ZFYVE9: variants seen among roughly 807,000 people sequenced by gnomAD.
ZFYVE9 encodes the protein zinc finger FYVE-type containing 9.
ZFYVE9 carries 43 observed loss-of-function variants against 126.7 expected under a neutral mutation model. The observed-to-expected ratio is 0.34, with a 90% CI of 0.27 to 0.44. The LOEUF (loss-of-function observed/expected upper bound fraction) is 0.44. ZFYVE9 is among the 20% of genes least tolerant of loss of function. The pLI is 1.00. For missense variants in ZFYVE9, 1,476 were observed against 1,697.0 expected, an observed-to-expected ratio of 0.87 and a Z score of 2.29; for synonymous variants, 521 against 597.4, an observed-to-expected ratio of 0.87 and a Z score of 1.87.
intron 1 of ZFYVE9, among the ~76,000 whole-genome samples, chr1:52,195,872 A>G (rs771721440): frequency 1.3e-5 from 2 of 151,346 alleles, no homozygotes; most frequent in Non-Finnish European, 2.9e-5. Flanking sequence ...AGCACACTGC[A>G]GCCTCCGCAT....
intron 17 of ZFYVE9, among the ~76,000 whole-genome samples, chr1:52,341,180 A>G (rs959127681): frequency 6.6e-6 from 1 of 152,244 alleles, no homozygotes; most frequent in African/African-American, 2.4e-5. Flanking sequence ...AGATTGTGCC[A>G]TTGCACGCCA....
At chr1:52,338,749 C>T (rs1277602600) in intron 16 of ZFYVE9, among the ~76,000 whole-genome samples, 5 of 152,146 alleles carry the variant, frequency 3.3e-5, no homozygotes, top group South Asian at 2.1e-4. Flanking sequence ...TGGTGGCTCA[C>T]GCCTGTAATC....
chr1:52,290,730 A>G (rs1645911727), intron 10 of ZFYVE9, among the ~76,000 whole-genome samples: 1 of 152,168 alleles, frequency 6.6e-6, no homozygotes, highest in Non-Finnish European at 1.5e-5. Flanking sequence ...ATCTTACTCT[A>G]AAATCATTGA....
At chr1:52,174,430 G>A (rs1644604208) in intron 1 of ZFYVE9, among the ~76,000 whole-genome samples, 1 of 152,028 alleles carries the variant, frequency 6.6e-6, no homozygotes, top group South Asian at 2.1e-4. Context: ...CCAACTATGT[G>A]GTCAATTTTG....
intron 10 of ZFYVE9, among the ~76,000 whole-genome samples, chr1:52,292,070 G>A (rs530219098): frequency 6.6e-6 from 1 of 152,040 alleles, no homozygotes; most frequent in Admixed American, 6.6e-5. Context: ...TTTGAAGTCA[G>A]GAATTTGAGA....
intron 12 of ZFYVE9, among the ~76,000 whole-genome samples, chr1:52,299,200 A>G (rs573231512): frequency 3.3e-5 from 5 of 152,290 alleles, no homozygotes; most frequent in Admixed American, 2.6e-4. Flanking sequence ...TAGCTACTGT[A>G]AATGGAATTG....
chr1:52,177,558 A>G (rs982780371), intron 1 of ZFYVE9, among the ~76,000 whole-genome samples: 1 of 152,252 alleles, frequency 6.6e-6, no homozygotes, highest in African/African-American at 2.4e-5. Flanking sequence ...GGAATAAGAC[A>G]TCTGTGCCAT....
intron 4 of ZFYVE9, among the ~76,000 whole-genome samples, chr1:52,248,243 T>C (rs1645410626): frequency 6.6e-6 from 1 of 152,162 alleles, no homozygotes; most frequent in African/African-American, 2.4e-5. Context: ...CCCAGAAGGC[T>C]GCTAGTGCAA....
chr1:52,237,383 T>G, intron 3 of ZFYVE9, 105 bp from the exon 4 acceptor site: 1 of 1,045,102 alleles, frequency 9.6e-7, no homozygotes, highest in Non-Finnish European at 1.4e-6. Flanking sequence ...TCTAATATCC[T>G]TGGAATATTT....
chr1:52,225,836 GAGGTATACACCCA>G (rs1329448143), intron 2 of ZFYVE9, among the ~76,000 whole-genome samples: 1 of 152,178 alleles, frequency 6.6e-6, no homozygotes, highest in Non-Finnish European at 1.5e-5. Flanking sequence ...TGTGTTGTCT[GAGGTATACACCCA>G]AGGTTCATCG....
intron 6 of ZFYVE9, among the ~76,000 whole-genome samples, chr1:52,267,401 A>G (rs1002705966): frequency 6.6e-6 from 1 of 152,180 alleles, no homozygotes; most frequent in Non-Finnish European, 1.5e-5. Flanking sequence ...ACATTGGTTT[A>G]TTATATCTTT....
chr1:52,307,017 T>C (rs1167684812), intron 13 of ZFYVE9, among the ~76,000 whole-genome samples: 1 of 152,140 alleles, frequency 6.6e-6, no homozygotes, highest in Non-Finnish European at 1.5e-5. Context: ...CCAGCAGGCC[T>C]GAGCAAAACT....
intron 13 of ZFYVE9, among the ~76,000 whole-genome samples, chr1:52,322,591 T>C (rs1646251657): frequency 1.3e-5 from 2 of 151,936 alleles, no homozygotes; most frequent in Admixed American, 1.3e-4. Context: ...TTGGCCAGGC[T>C]GGTCTCGAAC....
chr1:52,149,913 G>A (rs868433467), intron 1 of ZFYVE9, among the ~76,000 whole-genome samples: 1 of 152,160 alleles, frequency 6.6e-6, no homozygotes, highest in South Asian at 2.1e-4. Flanking sequence ...TTTCTGGTAG[G>A]ATTAATGAAA....
chr1:52,223,684 T>G (rs1480521812), intron 2 of ZFYVE9, among the ~76,000 whole-genome samples: 1 of 152,164 alleles, frequency 6.6e-6, no homozygotes, highest in East Asian at 1.9e-4. Flanking sequence ...TGTTGTACAT[T>G]AAATGCTCAG....
chr1:52,335,869 C>G (rs918669074), intron 15 of ZFYVE9, among the ~76,000 whole-genome samples: 3 of 150,946 alleles, frequency 2.0e-5, no homozygotes, highest in African/African-American at 7.4e-5. Flanking sequence ...TGCGGTGGCT[C>G]ACGCCTGTAA....
intron 2 of ZFYVE9, among the ~76,000 whole-genome samples, chr1:52,220,793 G>C (rs2124603067): frequency 6.6e-6 from 1 of 152,262 alleles, no homozygotes; most frequent in Middle Eastern, 3.4e-3. Flanking sequence ...GGTCTACGTG[G>C]GAGAAGATGG....
chr1:52,322,674 C>T (rs925727828), intron 13 of ZFYVE9, among the ~76,000 whole-genome samples: 4 of 151,938 alleles, frequency 2.6e-5, no homozygotes, highest in African/African-American at 9.7e-5. Context: ...CCATGCCCAG[C>T]CTGGTCCTTT....
intron 1 of ZFYVE9, among the ~76,000 whole-genome samples, chr1:52,152,853 C>T (rs769978218): frequency 1.3e-5 from 2 of 152,098 alleles, no homozygotes; most frequent in Non-Finnish European, 2.9e-5. Context: ...GGGAAGCAGA[C>T]GTTGAAATGG....
Sources: allele counts gnomAD v4.1 joint callset (sites outside exome capture counted in the v4.1 genomes callset), GRCh38; gene constraint gnomAD v4.1.1; transcripts MANE v1.5; gene names NCBI Gene and HGNC (gene_info 2026-07-23, HGNC 2026-07-21).